The following ZNF467 variants were observed in gnomAD, a reference collection of about 807,000 sequenced individuals.
The protein encoded by ZNF467 is zinc finger protein 467, also known as zinc finger protein EZI.
Under a neutral mutation model 47.8 loss-of-function variants are expected in ZNF467, and 51 were observed. The ratio of observed to expected loss-of-function variants is 1.07; its 90% CI spans 0.85 to 1.35. The LOEUF (loss-of-function observed/expected upper bound fraction) is 1.35, where lower values mean the gene tolerates loss of function less well. Among genes scored for constraint, ZNF467 ranks in the 40% most tolerant of loss-of-function variants. ZNF467 has a pLI of 0.00. For missense variants in ZNF467, 992 were observed against 858.1 expected, an observed-to-expected ratio of 1.16 and a Z score of -1.95; for synonymous variants, 416 against 372.9, an observed-to-expected ratio of 1.12 and a Z score of -1.33.
Position 149,765,269 on chromosome 7 carries a change from G to T in ZNF467, c.1233C>A (p.Gly411=). 6.8e-7 allele frequency: 1 copy of T among 1,462,130 alleles called. No homozygotes were observed. The highest frequency in any genetic ancestry group is 9.0e-7 in the Non-Finnish European group (1 of 1,107,472). The allele number at this position is 1,462,130 out of a possible 1,614,324, so 90.6% of individuals were successfully genotyped here. A position where few individuals can be genotyped will look rare whatever the true frequency, so the allele number is the denominator to read the frequency against. Residue 411 remains glycine, a synonymous_variant, in exon 5 of 5, where the codon GGC becomes GGA. Transcript: ENST00000302017. ...CCACGGGATCGGATCCTGGGCCGCAGCCCGGTCCGCCAGGCGCGCTGGCCA... is the reference window on the plus strand; with the variant it reads ...CCACGGGATCGGATCCTGGGCCGCATCCCGGTCCGCCAGGCGCGCTGGCCA... ...KPLASAPGGP[G]CGPGSDPVVP...
intron 4 of ZNF467, 119 bp from the exon 5 acceptor site, chr7:149,766,358 G>T: frequency 6.9e-7 from 1 of 1,448,508 alleles, no homozygotes; most frequent in Non-Finnish European, 9.1e-7. Context: ...TCTACCTAAC[G>T]CTTCCCGGGA....
intron 1 of ZNF467, 122 bp from the exon 2 acceptor site, chr7:149,771,196 C>G: frequency 1.4e-6 from 1 of 733,190 alleles, no homozygotes; most frequent in Admixed American, 2.8e-5. Flanking sequence ...TCCCCAGGTA[C>G]AGCTGGGGGA....
At chr7:149,770,346 G>A in intron 3 of ZNF467, 94 bp downstream of exon 3, 2 of 684,530 alleles carry the variant, frequency 2.9e-6, no homozygotes, top group Non-Finnish European at 4.8e-6. Context: ...AAGGGAGGGA[G>A]GGAGGGGGGA....
In ZNF467 at chr7:149,765,604, A is replaced by G; in HGVS notation, c.898T>C (p.Tyr300His). The G allele has an allele frequency of 1.2e-6, 2 of 1,602,802 alleles. No individual in the cohort carries two copies. Among genetic ancestry groups the G allele is most frequent in the South Asian group, 1.1e-5 (1 of 89,512 alleles). Residue 300 changes from tyrosine to histidine, a missense_variant, in exon 5 of 5, where the codon TAC becomes CAC. By Grantham distance (83) the Tyr-to-His change is moderately conservative. Transcript: ENST00000302017. The stretch of plus-strand genomic sequence containing the variant: ...CTGCGTGCGCACTGTGCGCACTGGT[A>G]GGGCCTCTCGCCCGTATGGATGCGC... ...HQRIHTGERP[Y>H]QCAQCARSFT...
At chr7:149,776,377 G>C, upstream of ZNF467, 4 of 1,363,930 alleles carry the variant, frequency 2.9e-6, no homozygotes, top group Non-Finnish European at 3.9e-6. Flanking sequence ...GACCATCCGT[G>C]TGGAGGAGGA....
In ZNF467 at chr7:149,764,840, G is replaced by A. The variant is rs1799106047; in HGVS notation, c.1662C>T (p.Arg554=). ...SCPQCGKSFS[R]KTHLVRHQLI... ...GCTGGTGCCGCACCAGGTGGGTCTTGCGGCTGAAGCTCTTTCCGCACTGCG... is the reference window on the plus strand; with the variant it reads ...GCTGGTGCCGCACCAGGTGGGTCTTACGGCTGAAGCTCTTTCCGCACTGCG... Residue 554 remains arginine (R), a synonymous_variant, in exon 5 of 5, where the codon CGC becomes CGT. Coordinates refer to ENST00000302017, the MANE Select transcript of ZNF467 (RefSeq NM_207336.3). 6.5e-7 allele frequency: 1 copy of A among 1,547,522 alleles called. No homozygotes were observed. The highest frequency in any genetic ancestry group is 2.3e-5 in the East Asian group (1 of 43,920).
Position 149,769,041 on chromosome 7 carries a change from G to A in ZNF467, c.262+49C>T, listed in dbSNP as rs969592123. The A allele has an allele frequency of 8.1e-6, 12 of 1,473,472 alleles. No individual in the cohort carries two copies. In the Admixed American group the frequency reaches 1.2e-4, roughly 14 times the overall value. 91.3% of individuals were successfully genotyped at this position (1,473,472 alleles called of 1,614,324 possible). ...GCAGCTCCGGAGCTTGCTGGGCCCCGTTCCCTTGGCCTGAGCCCGTGGTGG... is the reference window on the plus strand; with the variant it reads ...GCAGCTCCGGAGCTTGCTGGGCCCCATTCCCTTGGCCTGAGCCCGTGGTGG... On this transcript the variant is annotated intron_variant, in intron 4 of 4. Coordinates refer to ENST00000302017, the MANE Select transcript of ZNF467 (RefSeq NM_207336.3). This position sits in a 1 kb window ranked among gnomAD's most constrained non-coding sequence, Gnocchi z 5.3.
chr7:149,768,942 C>T, intron 4 of ZNF467, 148 bp downstream of exon 4: 2 of 583,976 alleles, frequency 3.4e-6, no homozygotes, highest in South Asian at 5.3e-5. Context: ...CAGAAAGGTG[C>T]CAGGGCCTGA....
chr7:149,765,929 C>A lies in ZNF467; in HGVS notation c.573G>T (p.Pro191=). ...LHRGEGPCAC[P]DCGRSFTQRA... The stretch of plus-strand genomic sequence containing the variant: ...GCTGCGTGAAGCTGCGGCCGCAGTC[C>A]GGGCAGGCGCAGGGGCCCTCGCCCC... Residue 191 remains proline, a synonymous_variant, in exon 5 of 5, where the codon CCG becomes CCT. Transcript: ENST00000302017. 6.4e-7 allele frequency: 1 copy of A among 1,555,576 alleles called. No individual in the cohort carries two copies. Among genetic ancestry groups the A allele is most frequent in the Non-Finnish European group, 8.7e-7 (1 of 1,151,042 alleles).
intron 1 of ZNF467, among the ~76,000 whole-genome samples, chr7:149,772,723 C>T (rs1259015004): frequency 2.0e-5 from 3 of 149,626 alleles, no homozygotes; most frequent in Non-Finnish European, 4.5e-5. Flanking sequence ...CCCTCCTCTC[C>T]CGCCCCTACC....
intron 4 of ZNF467, among the ~76,000 whole-genome samples, chr7:149,768,323 G>T (rs1456122042): frequency 2.0e-5 from 3 of 152,186 alleles, no homozygotes; most frequent in African/African-American, 7.2e-5. Context: ...GGGGACTGCT[G>T]CCACTTCTCG....
chr7:149,768,175 A>G (rs2117430817), intron 4 of ZNF467, among the ~76,000 whole-genome samples: 1 of 152,348 alleles, frequency 6.6e-6, no homozygotes, highest in South Asian at 2.1e-4. Flanking sequence ...ACTTGCCTTT[A>G]TACTGTTCTT....
chr7:149,765,447 G>A lies in ZNF467; in HGVS notation c.1055C>T (p.Pro352Leu), dbSNP rs1346704192. The A allele has an allele frequency of 2.5e-6, 4 of 1,582,472 alleles. No individual in the cohort carries two copies. Among genetic ancestry groups the A allele is most frequent in the Non-Finnish European group, 3.4e-6 (4 of 1,165,178 alleles). The change falls in exon 5 of 5, where the codon CCA becomes CTA. Residue 352 changes from proline (P) to leucine (L), a missense_variant. Coordinates refer to ENST00000302017, the MANE Select transcript of ZNF467 (RefSeq NM_207336.3). ...GCAGTCGGAGCACGCGAAAGGCTTT[G>A]GCCCGGGAAAGGATGGGGTCGGGGA... Reference protein sequence around the residue: ...APSPTPSFPGPKPFACSDCGL... With the variant: ...APSPTPSFPGLKPFACSDCGL...
chr7:149,771,259 C>T (rs1799396409), intron 1 of ZNF467, among the ~76,000 whole-genome samples, 185 bp from the exon 2 acceptor site: 1 of 152,116 alleles, frequency 6.6e-6, no homozygotes, highest in African/African-American at 2.4e-5. Context: ...TGAAGGTGGC[C>T]CAAGAAGGCC....
chr7:149,769,138 C>A lies in ZNF467; in HGVS notation c.214G>T (p.Gly72Cys), dbSNP rs1486905609. Residue 72 changes from glycine to cysteine, a missense_variant, in exon 4 of 5, where the codon GGC becomes TGC. Transcript: ENST00000302017. The surrounding 1 kb of genome is among the most constrained non-coding windows in gnomAD (Gnocchi z 5.3). ...GCCTTCTGTGCTGAGCACGCCTGGC[C>A]TCTGCAGGGAGCCTCGGCTTGTTCT... The part of the protein sequence containing the change: ...HTEQAEAPCR[G>C]QACSAQKAQP... 22 of 1,562,210 alleles carry A rather than the reference C, an allele frequency of 1.4e-5. No individual in the cohort carries two copies. Among genetic ancestry groups the A allele is most frequent in the Non-Finnish European group, 1.9e-5 (22 of 1,152,232 alleles).
rs1161834646 is a variant in ZNF467 at position 149,764,863 on chromosome 7, G to A, written c.1639C>T (p.Gln547Ter). Residue 547 changes from glutamine to a stop codon, truncating the protein, a stop_gained, in exon 5 of 5, where the codon CAG becomes TAG. Coordinates refer to ENST00000302017, the MANE Select transcript of ZNF467 (RefSeq NM_207336.3). LOFTEE classifies it high-confidence loss of function. ...HTGSRPFSCP[Q>*]CGKSFSRKTH... ...TTGCGGCTGAAGCTCTTTCCGCACT[G>A]CGGGCAGGAGAAGGGGCGGGAGCCT... 3.2e-6 allele frequency: 5 copies of A among 1,555,112 alleles called. No individual in the cohort carries two copies. The South Asian group carries it at 4.7e-5, about 15-fold the overall frequency.
chr7:149,776,318 A>G (rs1402108422), upstream of ZNF467: 1 of 1,350,462 alleles, frequency 7.4e-7, no homozygotes, highest in African/African-American at 1.5e-5. Flanking sequence ...GAATGGTGGC[A>G]GCAGCTGTGG....
At chr7:149,775,754 CAA>C (rs1491403618), upstream of ZNF467, among the ~76,000 whole-genome samples, 15 of 140,048 alleles carry the variant, frequency 1.1e-4, no homozygotes, top group Non-Finnish European at 2.0e-4. Context: ...CACACACACA[CAA>C]AGGGAAACAG....
chr7:149,767,405 C>G (rs1799257087), intron 4 of ZNF467, among the ~76,000 whole-genome samples: 1 of 152,264 alleles, frequency 6.6e-6, no homozygotes, highest in Admixed American at 6.5e-5. Flanking sequence ...TTCCATCACA[C>G]GTGGACTTCC....
Sources: allele counts gnomAD v4.1 joint callset (sites outside exome capture counted in the v4.1 genomes callset), GRCh38; gene constraint gnomAD v4.1.1; non-coding constraint Gnocchi (gnomAD v3.1); transcripts MANE v1.5; gene names NCBI Gene and HGNC (gene_info 2026-07-23, HGNC 2026-07-21).